Variants in NELL2 observed in about 807,000 individuals in gnomAD.
NELL2 encodes neural EGFL like 2, also known as protein kinase C-binding protein NELL2.
Under a neutral mutation model 109.6 loss-of-function variants are expected in NELL2, and 41 were observed. The ratio of observed to expected loss-of-function variants is 0.37; its 90% confidence interval spans 0.29 to 0.49. The LOEUF (loss-of-function observed/expected upper bound fraction) is 0.49, where lower values mean the gene tolerates loss of function less well. Ranked by LOEUF, NELL2 falls within the 20% of genes least tolerant of loss-of-function variation. The pLI is 0.98. For synonymous variants in NELL2, 355 were observed against 344.7 expected, an observed-to-expected ratio of 1.03 and a Z score of -0.33; for missense variants, 900 against 1,008.3, an observed-to-expected ratio of 0.89 and a Z score of 1.45.
At chr12:44,857,882 A>C (rs922365151) in intron 2 of NELL2, among the ~76,000 whole-genome samples, 5 of 152,148 alleles carry the variant, frequency 3.3e-5, no homozygotes, top group African/African-American at 4.8e-5. Flanking sequence ...AAAAACAGCA[A>C]AAGTAGAACA....
chr12:44,551,006 A>G (rs1943026459), intron 15 of NELL2, among the ~76,000 whole-genome samples: 1 of 152,132 alleles, frequency 6.6e-6, no homozygotes, highest in Non-Finnish European at 1.5e-5. Flanking sequence ...TCTTATGTTA[A>G]AGGGTTCTTA....
chr12:44,578,911 C>A (rs1051211953), intron 15 of NELL2, among the ~76,000 whole-genome samples: 1 of 152,168 alleles, frequency 6.6e-6, no homozygotes, highest in Non-Finnish European at 1.5e-5. Flanking sequence ...TTCTCTGTCT[C>A]TCTTAGGTTC....
intron 13 of NELL2, among the ~76,000 whole-genome samples, chr12:44,620,765 C>T (rs191164466): frequency 2.6e-5 from 4 of 152,268 alleles, no homozygotes; most frequent in African/African-American, 9.6e-5. Context: ...CCTCCCATCT[C>T]TATCCCCATT....
At chr12:44,695,439 T>C (rs1245421901) in intron 12 of NELL2, among the ~76,000 whole-genome samples, 2 of 152,222 alleles carry the variant, frequency 1.3e-5, no homozygotes, top group East Asian at 3.9e-4. Flanking sequence ...GGCTCATGCC[T>C]GTGATCCTAG....
intron 19 of NELL2, among the ~76,000 whole-genome samples, chr12:44,513,723 C>T (rs1941110285): frequency 6.6e-6 from 1 of 151,658 alleles, no homozygotes; most frequent in Admixed American, 6.6e-5. Flanking sequence ...ATTATCCAAT[C>T]CATAAAACAA....
intron 13 of NELL2, among the ~76,000 whole-genome samples, chr12:44,611,347 A>T (rs1945613863): frequency 6.6e-6 from 1 of 152,076 alleles, no homozygotes; most frequent in African/African-American, 2.4e-5. Context: ...TAGCATGTGA[A>T]CGATGTGAAA....
intron 1 of NELL2, among the ~76,000 whole-genome samples, chr12:44,904,649 G>C (rs963323667): frequency 6.6e-6 from 1 of 152,086 alleles, no homozygotes; most frequent in African/African-American, 2.4e-5. Flanking sequence ...GAGCTACTGA[G>C]ATTTGAGATT....
At chr12:44,644,627 CAT>C (rs1189094713) in intron 13 of NELL2, among the ~76,000 whole-genome samples, 1 of 58,110 alleles carries the variant, frequency 1.7e-5, no homozygotes, top group African/African-American at 8.5e-5. Context: ...TATATATATA[CAT>C]ACATATATAT....
chr12:44,769,063 A>G (rs980581093), intron 9 of NELL2, among the ~76,000 whole-genome samples: 1 of 152,174 alleles, frequency 6.6e-6, no homozygotes, highest in African/African-American at 2.4e-5. Flanking sequence ...TCAAGAACAC[A>G]TGTTCAGAAA....
chr12:44,717,964 A>C (rs947117919), intron 9 of NELL2, among the ~76,000 whole-genome samples: 3 of 152,202 alleles, frequency 2.0e-5, no homozygotes, highest in African/African-American at 7.2e-5. Context: ...AATAACAAGA[A>C]CAAATGTCTA....
Position 44,711,281 on chromosome 12 carries a change from A to G in NELL2, c.1189+11T>C, listed in dbSNP as rs1330317869. On this transcript the variant is annotated intron_variant, in intron 11 of 19. Transcript: ENST00000429094. ...CTTGCACGTAAACCTTACTTTTCAA[A>G]AAAGTCTTACCTTTACAAACTTTGC... The G allele has an allele frequency of 6.2e-7, 1 of 1,603,940 alleles. No homozygotes were observed.
intron 9 of NELL2, among the ~76,000 whole-genome samples, chr12:44,768,955 C>CT (rs905973421): frequency 1.3e-5 from 2 of 151,836 alleles, no homozygotes; most frequent in Non-Finnish European, 2.9e-5. Context: ...AAATTATTTT[C>CT]TTTTTCACCA....
intron 9 of NELL2, among the ~76,000 whole-genome samples, chr12:44,741,256 G>A (rs1281284551): frequency 1.3e-5 from 2 of 152,124 alleles, no homozygotes; most frequent in East Asian, 3.9e-4. Context: ...ATTATTTTAA[G>A]CTAAAACTTA....
intron 3 of NELL2, among the ~76,000 whole-genome samples, chr12:44,804,286 T>C (rs1693436631): frequency 6.6e-6 from 1 of 151,846 alleles, no homozygotes; most frequent in Admixed American, 6.6e-5. Context: ...ATAAAAGTAC[T>C]AAAAAAAGAG....
intron 1 of NELL2, among the ~76,000 whole-genome samples, chr12:44,905,682 C>G (rs1238349192): frequency 6.6e-6 from 1 of 152,132 alleles, no homozygotes; most frequent in African/African-American, 2.4e-5. Context: ...TATATCCTCT[C>G]TGGCCCGTAT....
At chr12:44,644,623 T>TAA (rs35033058) in intron 13 of NELL2, among the ~76,000 whole-genome samples, 1 of 78,896 alleles carries the variant, frequency 1.3e-5, no homozygotes, top group Admixed American at 1.4e-4. Context: ...TATATATATA[T>TAA]ATACATACAT....
At chr12:44,612,954 AT>A (rs973001711) in intron 13 of NELL2, among the ~76,000 whole-genome samples, 2 of 151,980 alleles carry the variant, frequency 1.3e-5, no homozygotes, top group Admixed American at 6.6e-5. Flanking sequence ...CTCTGTTGTC[AT>A]TTACTCTCAT....
At chr12:44,902,487 G>A (rs1592713290) in intron 1 of NELL2, among the ~76,000 whole-genome samples, 1 of 152,068 alleles carries the variant, frequency 6.6e-6, no homozygotes, top group Non-Finnish European at 1.5e-5. Context: ...CCAAAGTAAT[G>A]TATAGATTCA....
chr12:44,714,723 C>T lies in NELL2; in HGVS notation c.1013G>A (p.Gly338Glu), dbSNP rs753969657. The T allele has an allele frequency of 6.3e-7, 1 of 1,599,816 alleles. No homozygotes were observed. Among genetic ancestry groups the T allele is most frequent in the Non-Finnish European group, 8.5e-7 (1 of 1,174,470 alleles). Reference protein sequence around the residue: ...KECKSICQFQGRTYFEGERNT... With the variant: ...KECKSICQFQERTYFEGERNT... ...TCTTTCTCCTTCAAAGTAGGTTCGT[C>T]CTTGAAATTGGCATATCGCTTTGGA... The change falls in exon 10 of 20, where the codon GGA (glycine) becomes GAA (glutamate). Residue 338 changes from glycine to glutamate, a missense_variant. Transcript: ENST00000429094.
Sources: allele counts gnomAD v4.1 joint callset (sites outside exome capture counted in the v4.1 genomes callset), GRCh38; gene constraint gnomAD v4.1.1; transcripts MANE v1.5; gene names NCBI Gene and HGNC (gene_info 2026-07-23, HGNC 2026-07-21).